ARHGAP24: variants seen among roughly 807,000 people sequenced by gnomAD.
The protein encoded by ARHGAP24 is rho GTPase-activating protein 24.
Under a neutral mutation model 76.4 loss-of-function variants are expected in ARHGAP24, and 50 were observed. The observed-to-expected ratio is 0.65, with a 90% CI of 0.52 to 0.83. The LOEUF (loss-of-function observed/expected upper bound fraction) is 0.83, where lower values mean the gene tolerates loss of function less well. ARHGAP24 is among the 40% of genes least tolerant of loss of function. The pLI is 0.00. For missense variants in ARHGAP24, 930 were observed against 914.2 expected, an observed-to-expected ratio of 1.02 and a Z score of -0.22; for synonymous variants, 345 against 323.3, an observed-to-expected ratio of 1.07 and a Z score of -0.72.
At chr4:85,670,657 C>G (rs1722787968) in intron 2 of ARHGAP24, among the ~76,000 whole-genome samples, 1 of 152,180 alleles carries the variant, frequency 6.6e-6, no homozygotes, top group Non-Finnish European at 1.5e-5. Flanking sequence ...TTATTTCAAA[C>G]TCTCTTGCCT....
At chr4:85,731,013 CACACACACACACACAG>C (rs1344786445) in intron 3 of ARHGAP24, among the ~76,000 whole-genome samples, 4 of 134,274 alleles carry the variant, frequency 3.0e-5, no homozygotes, top group East Asian at 9.1e-4. Context: ...CACACACACA[CACACACACACACACAG>C]AGAGAGAGAC....
chr4:85,726,922 A>G, intron 3 of ARHGAP24, among the ~76,000 whole-genome samples: 1 of 152,144 alleles, frequency 6.6e-6, no homozygotes, highest in South Asian at 2.1e-4. Context: ...TAATCCCAAA[A>G]TTTTGGGAGG....
At chr4:85,770,810 A>T (rs982480022) in intron 3 of ARHGAP24, among the ~76,000 whole-genome samples, 2 of 152,186 alleles carry the variant, frequency 1.3e-5, no homozygotes, top group Admixed American at 1.3e-4. Context: ...TGCTTTCCAC[A>T]CTGTGCCCAT....
At chr4:85,805,136 C>T (rs991751471) in intron 3 of ARHGAP24, among the ~76,000 whole-genome samples, 37 of 152,138 alleles carry the variant, frequency 2.4e-4, no homozygotes, top group African/African-American at 8.9e-4. Context: ...GGGAGAGTCT[C>T]ATAAAAATAT....
intron 2 of ARHGAP24, among the ~76,000 whole-genome samples, chr4:85,599,196 G>A (rs13149991): frequency 0.39 from 58,565 of 151,858 alleles, 12,544 homozygotes; most frequent in Non-Finnish European, 0.5. Flanking sequence ...GCAGCTTGCT[G>A]TGGAGAGATG....
At chr4:85,486,190 T>G in intron 1 of ARHGAP24, among the ~76,000 whole-genome samples, 1 of 152,198 alleles carries the variant, frequency 6.6e-6, no homozygotes, top group Admixed American at 6.5e-5. Context: ...TTGACAGATT[T>G]CATGTACCAT....
At chr4:85,895,421 G>T (rs1734120963) in intron 3 of ARHGAP24, among the ~76,000 whole-genome samples, 1 of 152,036 alleles carries the variant, frequency 6.6e-6, no homozygotes, top group Admixed American at 6.6e-5. Flanking sequence ...TAGATCACCT[G>T]GGCTTCAGCT....
At chr4:85,495,504 C>T (rs984431547) in intron 1 of ARHGAP24, among the ~76,000 whole-genome samples, 10 of 125,762 alleles carry the variant, frequency 8.0e-5, no homozygotes, top group Middle Eastern at 7.1e-3. Flanking sequence ...GCGCCCGCCA[C>T]CACGCCCAGC....
At chr4:85,894,960 C>CAAAAAAAAAAAAAAAAAAAAAAAAAA (rs540459367) in intron 3 of ARHGAP24, among the ~76,000 whole-genome samples, 3 of 35,356 alleles carry the variant, frequency 8.5e-5, no homozygotes, top group Non-Finnish European at 1.3e-4. Flanking sequence ...GACTCCCTCT[C>CAAAAAAAAAAAAAAAAAAAAAAAAAA]AAAAAAAAAA....
intron 2 of ARHGAP24, among the ~76,000 whole-genome samples, chr4:85,592,578 T>C (rs1317799277): frequency 6.6e-6 from 1 of 152,178 alleles, no homozygotes; most frequent in Non-Finnish European, 1.5e-5. Flanking sequence ...TATGCCTTAT[T>C]CATTCTATCT....
chr4:85,776,526 C>T (rs988752420), intron 3 of ARHGAP24, among the ~76,000 whole-genome samples: 2 of 152,154 alleles, frequency 1.3e-5, no homozygotes, highest in African/African-American at 4.8e-5. Flanking sequence ...CACATGCTTC[C>T]CTTCCAATGG....
At position 85,689,076 on chromosome 4, in the gene ARHGAP24, C is replaced by A. The variant is rs557105450; in HGVS notation, c.181-32809C>A. Among the ~76,000 whole-genome samples, 68 of 152,168 alleles carry A rather than the reference C, an allele frequency of 4.5e-4. No individual in the cohort carries two copies. In the South Asian group the frequency reaches 9.3e-3, roughly 21 times the overall value. On this transcript the variant is annotated intron_variant, in intron 2 of 9. Coordinates refer to ENST00000395184, the MANE Select transcript of ARHGAP24 (RefSeq NM_001025616.3). The stretch of plus-strand genomic sequence containing the variant: ...AATTTAGAATAGATTTTTTCTAATT[C>A]TGTGAAAAATAACATTGGTGGTTTG...
At chr4:85,735,486 C>T (rs1446200680) in intron 3 of ARHGAP24, among the ~76,000 whole-genome samples, 1 of 152,058 alleles carries the variant, frequency 6.6e-6, no homozygotes. Context: ...ATAATAATTG[C>T]CCAATCAGAA....
At chr4:85,799,932 C>A (rs7675429) in intron 3 of ARHGAP24, among the ~76,000 whole-genome samples, 37,969 of 151,974 alleles carry the variant, frequency 0.25, 5,798 homozygotes, top group East Asian at 0.52. Flanking sequence ...AAATCACAGA[C>A]TAGTCATCTT....
chr4:85,974,026 T>G (rs1578453118), intron 6 of ARHGAP24, among the ~76,000 whole-genome samples: 1 of 128,260 alleles, frequency 7.8e-6, no homozygotes, highest in Non-Finnish European at 1.7e-5. Flanking sequence ...TTTTTTTTTT[T>G]TTGTATTTTT....
intron 3 of ARHGAP24, among the ~76,000 whole-genome samples, chr4:85,730,967 T>C (rs1725375899): frequency 6.8e-6 from 1 of 147,050 alleles, no homozygotes; most frequent in Non-Finnish European, 1.5e-5. Context: ...TTATATACAA[T>C]GACTCATTTA....
At chr4:85,579,201 G>T (rs1327817318) in intron 2 of ARHGAP24, among the ~76,000 whole-genome samples, 1 of 151,960 alleles carries the variant, frequency 6.6e-6, no homozygotes, top group African/African-American at 2.4e-5. Flanking sequence ...TGAATTCCTT[G>T]AGTTCTATTC....
At chr4:85,980,500 C>G (rs1156275688) in intron 8 of ARHGAP24, among the ~76,000 whole-genome samples, 1 of 152,154 alleles carries the variant, frequency 6.6e-6, no homozygotes, top group Non-Finnish European at 1.5e-5. Context: ...GATAACAATA[C>G]CAACACCAGT....
At chr4:85,609,224 A>G (rs1720303823) in intron 2 of ARHGAP24, among the ~76,000 whole-genome samples, 1 of 152,252 alleles carries the variant, frequency 6.6e-6, no homozygotes, top group Non-Finnish European at 1.5e-5. Flanking sequence ...CAATAGAAAT[A>G]GAATATATGG....
Sources: gnomAD v4.1 joint callset for allele counts (sites outside exome capture counted in the v4.1 genomes callset) on GRCh38, gnomAD v4.1.1 for gene constraint, MANE v1.5 for transcripts, NCBI Gene and HGNC (gene_info 2026-07-23, HGNC 2026-07-21) for gene names.